The following IL17RD variants were observed in gnomAD, a reference collection of about 807,000 sequenced individuals.
The protein encoded by IL17RD is interleukin-17 receptor D.
A neutral mutation model predicts 80.5 loss-of-function variants in IL17RD; 52 were observed. That is an observed-to-expected ratio of 0.65 (90% CI 0.52 to 0.81). The LOEUF (loss-of-function observed/expected upper bound fraction) is 0.81, where lower values mean the gene tolerates loss of function less well. Ranked by LOEUF, IL17RD falls within the 40% of genes least tolerant of loss-of-function variation. IL17RD has a pLI of 0.00. For synonymous variants in IL17RD, 416 were observed against 391.8 expected (o/e 1.06, Z -0.73); for missense variants, 1,024 against 955.1 (o/e 1.07, Z -0.95).
intron 2 of IL17RD, among the ~76,000 whole-genome samples, chr3:57,117,113 A>AT (rs11422909): frequency 0.8 from 109,566 of 136,172 alleles, 45,213 homozygotes; most frequent in South Asian, 0.91. Flanking sequence ...AAGTTTAAGA[A>AT]TTTTTTTTTT....
chr3:57,113,292 C>T (rs1040612974), intron 3 of IL17RD, among the ~76,000 whole-genome samples: 3 of 152,170 alleles, frequency 2.0e-5, no homozygotes, highest in Non-Finnish European at 4.4e-5. Flanking sequence ...GGCTGGAGCG[C>T]AATGGTGCGA....
chr3:57,091,370 T>A lies in IL17RD; in HGVS notation c.*5023A>T, dbSNP rs1163313874. The A allele has an allele frequency of 6.6e-6, 1 of 152,398 alleles. No homozygotes were observed. The highest frequency in any genetic ancestry group is 1.5e-5 in the Non-Finnish European group (1 of 68,044). 9.4% of individuals were successfully genotyped at this position (152,398 alleles called of 1,614,324 possible). On this transcript the variant is annotated 3_prime_UTR_variant, in exon 13 of 13. Coordinates refer to ENST00000296318, the MANE Select transcript of IL17RD (RefSeq NM_017563.5). ...AATGTGGCAGTCAAATAATTCTCAATGAATATAGGTGACATATCATTTTGT... is the reference window on the plus strand; with the variant it reads ...AATGTGGCAGTCAAATAATTCTCAAAGAATATAGGTGACATATCATTTTGT...
chr3:57,103,963 A>C (rs373930365), intron 8 of IL17RD, among the ~76,000 whole-genome samples: 3 of 152,340 alleles, frequency 2.0e-5, no homozygotes, highest in South Asian at 2.1e-4. Context: ...ATACATACAT[A>C]GAAGAATAGC....
chr3:57,157,150 T>A (rs1212913173), intron 1 of IL17RD, among the ~76,000 whole-genome samples: 1 of 151,982 alleles, frequency 6.6e-6, no homozygotes, highest in African/African-American at 2.4e-5. Context: ...AAGCCAGAGA[T>A]ACTGGGAACC....
In IL17RD at chr3:57,140,589, C is replaced by T. The variant is rs1579305253; in HGVS notation, c.127-20276G>A. ...TTTGGGCATTATTCAACATTTGCTGCCATTTGACAGATGTACATCCATAGC... is the reference window on the plus strand; with the variant it reads ...TTTGGGCATTATTCAACATTTGCTGTCATTTGACAGATGTACATCCATAGC... On this transcript the variant is annotated intron_variant, in intron 1 of 12. Coordinates refer to ENST00000296318, the MANE Select transcript of IL17RD (RefSeq NM_017563.5). Among the ~76,000 whole-genome samples, 3 of 152,152 alleles carry T rather than the reference C, an allele frequency of 2.0e-5. No individual in the cohort carries two copies. The South Asian group carries it at 6.2e-4, about 32-fold the overall frequency.
chr3:57,092,090 C>T lies in IL17RD; in HGVS notation c.*4303G>A, dbSNP rs1706567917. 1 of 152,628 alleles carries T rather than the reference C, an allele frequency of 6.6e-6. No individual in the cohort carries two copies. Among genetic ancestry groups the T allele is most frequent in the Non-Finnish European group, 1.5e-5 (1 of 68,032 alleles). The allele number at this position is 152,628 out of a possible 1,614,324, so 9.5% of individuals were successfully genotyped here. A position where few individuals can be genotyped will look rare whatever the true frequency, so the allele number is the denominator to read the frequency against. ...TGTATACTGTTTCACACCTCCAAAACACAGTCAATTCACAGACCACTTAAA... is the reference window on the plus strand; with the variant it reads ...TGTATACTGTTTCACACCTCCAAAATACAGTCAATTCACAGACCACTTAAA... On this transcript the variant is annotated 3_prime_UTR_variant, in exon 13 of 13. Coordinates refer to ENST00000296318, the MANE Select transcript of IL17RD (RefSeq NM_017563.5).
At chr3:57,151,009 C>A (rs1414222365) in intron 1 of IL17RD, among the ~76,000 whole-genome samples, 1 of 152,192 alleles carries the variant, frequency 6.6e-6, no homozygotes, top group South Asian at 2.1e-4. Flanking sequence ...CATTTAATAT[C>A]ACATGTTTAT....
intron 1 of IL17RD, among the ~76,000 whole-genome samples, chr3:57,122,339 G>A (rs956696697): frequency 1.3e-5 from 2 of 152,158 alleles, no homozygotes; most frequent in South Asian, 2.1e-4. Flanking sequence ...ATCCTCCACC[G>A]GATGCCCGAT....
rs746897778 is a variant in IL17RD at position 57,098,296 on chromosome 3, G to A, written c.1407C>T (p.Ser469=). The A allele has an allele frequency of 1.5e-5, 24 of 1,613,886 alleles. No individual in the cohort carries two copies. The highest frequency in any genetic ancestry group is 9.3e-6 in the Non-Finnish European group (11 of 1,179,902). ...CGGCGATAAACTTGCTGAGCGCCGC[G>A]GACGAACTCTGCTTGGCCTGGCGGA... is the stretch of plus-strand genomic sequence containing the variant. The part of the protein sequence containing the change: ...EKLRQAKQSS[S]AALSKFIAVY... Residue 469 remains serine, a synonymous_variant, in exon 12 of 13, where the codon TCC becomes TCT. Coordinates refer to ENST00000296318, the MANE Select transcript of IL17RD (RefSeq NM_017563.5).
rs959735446 is a variant in IL17RD at position 57,094,442 on chromosome 3, T to C, written c.*1951A>G. 1.3e-5 allele frequency: 2 copies of C among 152,214 alleles called. No individual in the cohort carries two copies. The highest frequency in any genetic ancestry group is 2.9e-5 in the Non-Finnish European group (2 of 68,040). 9.4% of individuals were successfully genotyped at this position (152,214 alleles called of 1,614,324 possible). On this transcript the variant is annotated 3_prime_UTR_variant, in exon 13 of 13. Coordinates refer to ENST00000296318, the MANE Select transcript of IL17RD (RefSeq NM_017563.5). ...CATTTTCTTAAGGAGTGAGTTCACA[T>C]AGCAAGCTCTCTGCCCACACACCCT... is the stretch of plus-strand genomic sequence containing the variant.
intron 7 of IL17RD, among the ~76,000 whole-genome samples, chr3:57,104,635 G>C (rs766800326): frequency 5.3e-5 from 8 of 152,222 alleles, no homozygotes; most frequent in Admixed American, 3.3e-4. Flanking sequence ...TCTATGCTTA[G>C]CTGGTGGCAC....
intron 1 of IL17RD, among the ~76,000 whole-genome samples, chr3:57,151,729 C>CTG (rs2060223936): frequency 2.0e-5 from 3 of 152,166 alleles, no homozygotes; most frequent in African/African-American, 7.2e-5. Context: ...TTCCCATTGA[C>CTG]TGCCAGGAGC....
chr3:57,134,711 G>T, intron 1 of IL17RD: 1 of 679,014 alleles, frequency 1.5e-6, no homozygotes, highest in South Asian at 1.4e-5. Context: ...AGGAGGAAGA[G>T]ACCGAGAAGT....
intron 1 of IL17RD, among the ~76,000 whole-genome samples, chr3:57,132,198 C>A (rs1017644457): frequency 6.6e-6 from 1 of 151,406 alleles, no homozygotes; most frequent in Admixed American, 6.6e-5. Context: ...AAGGGGCGGG[C>A]GCAGCGGCTC....
intron 3 of IL17RD, among the ~76,000 whole-genome samples, chr3:57,113,814 A>C (rs1707150390): frequency 6.6e-6 from 1 of 152,006 alleles, no homozygotes; most frequent in Admixed American, 6.6e-5. Context: ...AAGTGCTGAG[A>C]TTACAGGTGT....
chr3:57,159,523 C>T (rs2060289700), intron 1 of IL17RD, among the ~76,000 whole-genome samples: 1 of 152,200 alleles, frequency 6.6e-6, no homozygotes, highest in Non-Finnish European at 1.5e-5. Context: ...AATCGTGTGT[C>T]AGGCCCATTC....
At chr3:57,149,950 T>C (rs534590658) in intron 1 of IL17RD, among the ~76,000 whole-genome samples, 72 of 152,344 alleles carry the variant, frequency 4.7e-4, no homozygotes, top group Non-Finnish European at 8.8e-4. Context: ...CCACAAGTTA[T>C]ATGCATATAT....
At chr3:57,130,543 C>A (rs142432451) in intron 1 of IL17RD, among the ~76,000 whole-genome samples, 1 of 152,284 alleles carries the variant, frequency 6.6e-6, no homozygotes, top group East Asian at 1.9e-4. Context: ...CCTCTCTCTG[C>A]AAGGTCTGGC....
At chr3:57,132,258 G>A (rs1707625966) in intron 1 of IL17RD, among the ~76,000 whole-genome samples, 1 of 151,638 alleles carries the variant, frequency 6.6e-6, no homozygotes, top group Non-Finnish European at 1.5e-5. Flanking sequence ...GGATCACAAG[G>A]TCAGGAGTTC....
Sources: allele counts gnomAD v4.1 joint callset (sites outside exome capture counted in the v4.1 genomes callset), GRCh38; gene constraint gnomAD v4.1.1; transcripts MANE v1.5; gene names NCBI Gene and HGNC (gene_info 2026-07-23, HGNC 2026-07-21).